The following RORA variants were observed in gnomAD, a reference collection of about 807,000 sequenced individuals.
RORA encodes the protein nuclear receptor ROR-alpha.
RORA carries 7 observed loss-of-function variants against 69.5 expected under a neutral mutation model. The observed-to-expected ratio is 0.10, with a 90% CI of 0.06 to 0.19. The LOEUF is 0.19. Among genes scored for constraint, RORA ranks in the 10% least tolerant of loss-of-function variants. The probability of loss-of-function intolerance (pLI) is 1.00; values close to 1 mark genes in which losing one functional copy is unlikely to be tolerated. For missense variants in RORA, 457 were observed against 663.0 expected, an observed-to-expected ratio of 0.69 and a Z score of 3.41; for synonymous variants, 261 against 240.8, an observed-to-expected ratio of 1.08 and a Z score of -0.78.
intron 1 of RORA, among the ~76,000 whole-genome samples, chr15:61,040,513 C>T (rs763508149): frequency 1.3e-5 from 2 of 151,826 alleles, no homozygotes; most frequent in Non-Finnish European, 2.9e-5. Context: ...TCCTTCCGGG[C>T]TTTATTTTTT....
At chr15:60,984,443 GTTA>G (rs1018888502) in intron 1 of RORA, among the ~76,000 whole-genome samples, 125 of 150,982 alleles carry the variant, frequency 8.3e-4, no homozygotes, top group African/African-American at 2.9e-3. Flanking sequence ...AATAATAATA[GTTA>G]TTATTATAAT....
At chr15:60,776,403 T>G (rs1395421599) in intron 1 of RORA, among the ~76,000 whole-genome samples, 1 of 152,074 alleles carries the variant, frequency 6.6e-6, no homozygotes, top group Non-Finnish European at 1.5e-5. Context: ...GTCCAGGCAT[T>G]TAAAGACGCA....
chr15:61,019,837 G>A (rs541506068), intron 1 of RORA, among the ~76,000 whole-genome samples: 1 of 152,240 alleles, frequency 6.6e-6, no homozygotes, highest in Admixed American at 6.5e-5. Flanking sequence ...GACGGGGCCT[G>A]CCTGCCCCCA....
Position 61,047,906 on chromosome 15 carries a change from G to A in RORA, c.166+181147C>T, listed in dbSNP as rs536729167. Among the ~76,000 whole-genome samples, 14 of 152,244 alleles carry A rather than the reference G, an allele frequency of 9.2e-5. No individual in the cohort carries two copies. The East Asian group carries it at 2.3e-3, about 25-fold the overall frequency. ...CATTTCTTGCGGACCCATTTTCCACGACAGAACCATCCAAACCAAGACACT... is the reference window on the plus strand; with the variant it reads ...CATTTCTTGCGGACCCATTTTCCACAACAGAACCATCCAAACCAAGACACT... On this transcript the variant is annotated intron_variant, in intron 1 of 10. Coordinates refer to ENST00000335670, the MANE Select transcript of RORA (RefSeq NM_134261.3).
chr15:60,572,099 A>G (rs545792164), intron 2 of RORA, among the ~76,000 whole-genome samples: 1 of 152,326 alleles, frequency 6.6e-6, no homozygotes, highest in South Asian at 2.1e-4. Context: ...AAAAAATACT[A>G]GGTATACCCT....
intron 2 of RORA, chr15:60,556,854 A>T: frequency 6.2e-7 from 1 of 1,608,762 alleles, no homozygotes; most frequent in Non-Finnish European, 8.5e-7. Context: ...TCCCCTCACC[A>T]TTCATGTATC....
At chr15:60,657,763 G>C (rs2070243730) in intron 2 of RORA, among the ~76,000 whole-genome samples, 1 of 152,282 alleles carries the variant, frequency 6.6e-6, no homozygotes, top group East Asian at 1.9e-4. Flanking sequence ...AAATCCTAAG[G>C]ATTAACTATA....
chr15:61,163,211 T>A (rs962072167), intron 1 of RORA, among the ~76,000 whole-genome samples: 1 of 152,166 alleles, frequency 6.6e-6, no homozygotes, highest in Non-Finnish European at 1.5e-5. Flanking sequence ...TACTTTAGTA[T>A]CAATATGCCA....
chr15:60,945,355 G>A (rs924701203), intron 1 of RORA, among the ~76,000 whole-genome samples: 5 of 152,158 alleles, frequency 3.3e-5, no homozygotes, highest in Non-Finnish European at 5.9e-5. Flanking sequence ...CTTGCATGGA[G>A]GCAAGTGGTG....
chr15:60,620,571 G>A (rs181456795), intron 2 of RORA, among the ~76,000 whole-genome samples: 10 of 152,218 alleles, frequency 6.6e-5, no homozygotes, highest in Non-Finnish European at 1.3e-4. Flanking sequence ...CTCAATTACT[G>A]TCTGTTTTGT....
chr15:61,067,436 G>C (rs1244770508), intron 1 of RORA, among the ~76,000 whole-genome samples: 1 of 152,038 alleles, frequency 6.6e-6, no homozygotes, highest in African/African-American at 2.4e-5. Context: ...TTTTCAACTT[G>C]TGCAATTTCA....
At chr15:61,092,756 G>A (rs8035885) in intron 1 of RORA, among the ~76,000 whole-genome samples, 55,664 of 151,980 alleles carry the variant, frequency 0.37, 10,516 homozygotes, top group African/African-American at 0.43. Context: ...ACTGCCCTGG[G>A]TGGTGTTGGC....
intron 1 of RORA, among the ~76,000 whole-genome samples, chr15:60,723,551 C>T (rs2071319713): frequency 6.6e-6 from 1 of 151,880 alleles, no homozygotes; most frequent in Non-Finnish European, 1.5e-5. Context: ...CATCAAATCC[C>T]CCTAAATAAA....
At chr15:61,020,076 C>T (rs1218689036) in intron 1 of RORA, among the ~76,000 whole-genome samples, 1 of 152,174 alleles carries the variant, frequency 6.6e-6, no homozygotes, top group African/African-American at 2.4e-5. Context: ...ACAGAACGTC[C>T]CTTTGTAGAG....
intron 1 of RORA, among the ~76,000 whole-genome samples, chr15:60,752,614 T>TCCCCCCCCCCCCCCCCCCCCC (rs916377222): frequency 1.4e-5 from 2 of 147,400 alleles, no homozygotes; most frequent in Admixed American, 6.8e-5. Context: ...CTCAAATTGC[T>TCCCCCCCCCCCCCCCCCCCCC]CCCCCCACCC....
chr15:60,570,188 T>C (rs937838278), intron 2 of RORA, among the ~76,000 whole-genome samples: 1 of 152,144 alleles, frequency 6.6e-6, no homozygotes, highest in African/African-American at 2.4e-5. Flanking sequence ...AAATATTTGT[T>C]GAGTAACTAA....
chr15:60,759,004 G>A (rs184590392), intron 1 of RORA, among the ~76,000 whole-genome samples: 262 of 152,286 alleles, frequency 1.7e-3, no homozygotes, highest in African/African-American at 6.1e-3. Flanking sequence ...GGCTCAAACC[G>A]TTCTTCAGAT....
intron 1 of RORA, among the ~76,000 whole-genome samples, chr15:60,695,267 C>G (rs1313542832): frequency 6.6e-6 from 1 of 152,112 alleles, no homozygotes; most frequent in Non-Finnish European, 1.5e-5. Context: ...CTTTAAGGAG[C>G]AAAAAGTATT....
intron 1 of RORA, among the ~76,000 whole-genome samples, chr15:61,074,731 G>C (rs2078422340): frequency 6.6e-6 from 1 of 152,184 alleles, no homozygotes. Context: ...TGCTTCAGGT[G>C]AGGTACAGGC....
Sources: allele counts gnomAD v4.1 joint callset (sites outside exome capture counted in the v4.1 genomes callset), GRCh38; gene constraint gnomAD v4.1.1; transcripts MANE v1.5; gene names NCBI Gene and HGNC (gene_info 2026-07-23, HGNC 2026-07-21).